Variants in ALDOA observed in about 807,000 individuals in gnomAD.
The protein encoded by ALDOA is fructose-bisphosphate aldolase A.
Under a neutral mutation model 43.9 loss-of-function variants are expected in ALDOA, and 26 were observed. That is an observed-to-expected ratio of 0.59 (90% confidence interval 0.43 to 0.82). ALDOA has a LOEUF of 0.82. Ranked by LOEUF, ALDOA falls within the 40% of genes least tolerant of loss-of-function variation. ALDOA has a pLI of 0.00. For synonymous variants in ALDOA, 258 were observed against 222.6 expected, an observed-to-expected ratio of 1.16 and a Z score of -1.42; for missense variants, 498 against 549.5, an observed-to-expected ratio of 0.91 and a Z score of 0.94.
chr16:30,068,530 G>A, intron 4 of ALDOA, 116 bp from the exon 5 acceptor site: 2 of 1,193,180 alleles, frequency 1.7e-6, no homozygotes, highest in South Asian at 2.5e-5. Flanking sequence ...TTGAGTCCAG[G>A]AAGTGGAGGC....
rs1020363624 is a variant in ALDOA at position 30,069,654 on chromosome 16, A to G, written c.942A>G (p.Thr314=). ...CGACCGTCACAGCGCTGCGCCGCAC[A>G]GTGCCCCCCGCTGTCACTGGTGAGG... ...AMATVTALRR[T]VPPAVTGITF... The change falls in exon 8 of 10, where the codon ACA becomes ACG. Residue 314 remains threonine (T), a synonymous_variant. Transcript: ENST00000642816. The G allele has an allele frequency of 2.5e-6, 4 of 1,613,752 alleles. No individual in the cohort carries two copies. Among genetic ancestry groups the G allele is most frequent in the Non-Finnish European group, 3.4e-6 (4 of 1,180,006 alleles).
chr16:30,068,424 T>C (rs1226536038), intron 4 of ALDOA: 2 of 624,086 alleles, frequency 3.2e-6, no homozygotes, highest in Non-Finnish European at 5.8e-6. Context: ...TGAGATGCAG[T>C]TTAAGGGATT....
Position 30,070,255 on chromosome 16 carries a change from C to T in ALDOA, c.*43C>T. Reference sequence around the variant, plus strand: ...CTGCCCCCAACACTCCAGGCCCTGCCCCCTCCCACTCTTGAAGAGGAGGCC... The same window carrying T: ...CTGCCCCCAACACTCCAGGCCCTGCTCCCTCCCACTCTTGAAGAGGAGGCC... On this transcript the variant is annotated 3_prime_UTR_variant, in exon 10 of 10. Transcript: ENST00000642816. 2 of 1,597,176 alleles carry T rather than the reference C, an allele frequency of 1.3e-6. No individual in the cohort carries two copies. Among genetic ancestry groups the T allele is most frequent in the Non-Finnish European group, 1.7e-6 (2 of 1,164,904 alleles).
At chr16:30,065,017 G>T (rs2072050058), upstream of ALDOA, among the ~76,000 whole-genome samples, 1 of 152,266 alleles carries the variant, frequency 6.6e-6, no homozygotes, top group Non-Finnish European at 1.5e-5. Context: ...GCAGCGGCCG[G>T]TGCATAGCCG....
Position 30,067,039 on chromosome 16 carries a change from G to T in ALDOA, c.141+1G>T. ...CCAGCACCAGACAGAGTTAGGAAAGGTACAGGGGCAGGCCTAGCAAAGGGA... is the reference window on the plus strand; with the variant it reads ...CCAGCACCAGACAGAGTTAGGAAAGTTACAGGGGCAGGCCTAGCAAAGGGA... On this transcript the variant is annotated splice_donor_variant, in intron 2 of 9. Transcript: ENST00000642816. LOFTEE classifies it high-confidence loss of function. 6.3e-7 allele frequency: 1 copy of T among 1,578,428 alleles called. No homozygotes were observed. The highest frequency in any genetic ancestry group is 8.6e-7 in the Non-Finnish European group (1 of 1,163,154).
chr16:30,069,941 G>C lies in ALDOA; in HGVS notation c.1073G>C (p.Arg358Pro), dbSNP rs1332829045. Residue 358 changes from arginine (R) to proline (P), a missense_variant, in exon 9 of 10, where the codon CGA (arginine) becomes CCA (proline). Physicochemically the swap from Arg to Pro is moderately radical, Grantham distance 103 (BLOSUM62 -2). Transcript: ENST00000642816. Reference sequence around the variant, plus strand: ...TGGGCCCTGACCTTCTCCTACGGCCGAGCCCTGCAGGCCTCTGCCCTGAAG... The same window carrying C: ...TGGGCCCTGACCTTCTCCTACGGCCCAGCCCTGCAGGCCTCTGCCCTGAAG... ...KPWALTFSYG[R>P]ALQASALKAW... is the part of the protein sequence containing the mutation. 6.2e-7 allele frequency: 1 copy of C among 1,613,890 alleles called. No homozygotes were observed. Among genetic ancestry groups the C allele is most frequent in the South Asian group, 1.1e-5 (1 of 91,080 alleles).
At chr16:30,068,286 G>A (rs1288256936) in intron 4 of ALDOA, 8 of 351,764 alleles carry the variant, frequency 2.3e-5, no homozygotes, top group Non-Finnish European at 2.8e-5. Context: ...GGATGGTCTC[G>A]ATCTCCTGAT....
intron 8 of ALDOA, 35 bp from the exon 9 acceptor site, chr16:30,069,795 A>AC: frequency 6.2e-7 from 1 of 1,613,376 alleles, no homozygotes. Context: ...TGGGTCTCTG[A>AC]CCACAGCCCC....
chr16:30,064,860 G>A (rs754942096), upstream of ALDOA: 6 of 199,956 alleles, frequency 3.0e-5, no homozygotes, highest in African/African-American at 4.6e-5. Flanking sequence ...TGGGGTCCAG[G>A]TGAGGAGGGG....
Position 30,067,974 on chromosome 16 carries a change from T to C in ALDOA, c.486+313T>C, listed in dbSNP as rs2072180442. ...TCAAATAACATCCCAGTGTATCCTG[T>C]CTCAGAGGATTGTTACTAAGTGAAC... On this transcript the variant is annotated intron_variant, in intron 4 of 9. Coordinates refer to ENST00000642816, the MANE Select transcript of ALDOA (RefSeq NM_001243177.4). 6 of 438,376 alleles carry C rather than the reference T, an allele frequency of 1.4e-5. No individual in the cohort carries two copies. The East Asian group carries it at 2.7e-4, about 20-fold the overall frequency. The allele number at this position is 438,376 out of a possible 1,614,324, so 27.2% of individuals were successfully genotyped here.
rs926663650 is a variant in ALDOA at position 30,066,944 on chromosome 16, T to C, written c.47T>C (p.Leu16Pro). The change falls in exon 2 of 10, where the codon CTG becomes CCG. Residue 16 changes from leucine (L) to proline (P), a missense_variant. Transcript: ENST00000642816. ...PEGSSFNMTHLSMAMAFSFPP... is the reference protein window; with the variant it reads ...PEGSSFNMTHPSMAMAFSFPP... ...GGGTCCAGCTTCAACATGACCCACC[T>C]GTCCATGGCTATGGCCTTTTCCTTT... is the stretch of plus-strand genomic sequence containing the variant. The C allele has an allele frequency of 1.3e-6, 2 of 1,551,006 alleles. No homozygotes were observed. The highest frequency in any genetic ancestry group is 2.7e-5 in the African/African-American group (2 of 73,074).
intron 1 of ALDOA, 80 bp from the exon 2 acceptor site, chr16:30,066,805 T>C (rs2072122627): frequency 3.4e-6 from 5 of 1,456,510 alleles, no homozygotes; most frequent in Non-Finnish European, 4.6e-6. Context: ...ATCTGGGCCC[T>C]TTCCCACGAG....
chr16:30,067,240 G>GCT lies in ALDOA; in HGVS notation c.149_150dup (p.Thr51LeufsTer13). 5 of 1,612,208 alleles carry GCT rather than the reference G, an allele frequency of 3.1e-6. No individual in the cohort carries two copies. The highest frequency in any genetic ancestry group is 4.2e-6 in the Non-Finnish European group (5 of 1,180,004). On this transcript the variant is annotated frameshift_variant, in exon 3 of 10. Transcript: ENST00000642816. LOFTEE classifies it high-confidence loss of function. ...CTCTGTTTCCTGTATCCAGGAACTTGCTACTACCAGCACCATGCCCTACCA... is the reference window on the plus strand; with the variant it reads ...CTCTGTTTCCTGTATCCAGGAACTTGCTCTACTACCAGCACCATGCCCTACCA...
At chr16:30,069,753 A>G (rs774444763) in intron 8 of ALDOA, 77 bp from the exon 9 acceptor site, 4 of 1,611,776 alleles carry the variant, frequency 2.5e-6, no homozygotes, top group Admixed American at 1.7e-5. Flanking sequence ...ACGGATTTCC[A>G]TGGCAACTTC....
At position 30,067,318 on chromosome 16, in the gene ALDOA, C is replaced by T. The variant is rs145582724; in HGVS notation, c.226C>T (p.Arg76Cys). ...QKKELSDIAH[R>C]IVAPGKGILA... The stretch of plus-strand genomic sequence containing the variant: ...GAAGGAGCTGTCTGACATCGCTCAC[C>T]GCATCGTGGCACCTGGCAAGGGCAT... The change falls in exon 3 of 10, where the codon CGC becomes TGC. Residue 76 changes from arginine (R) to cysteine (C), a missense_variant. Arg to Cys is a radical substitution (Grantham distance 180). Transcript: ENST00000642816. 134 of 1,613,434 alleles carry T rather than the reference C, an allele frequency of 8.3e-5. 3 individuals carry two copies. The South Asian group carries it at 1.1e-3, about 14-fold the overall frequency.
At chr16:30,067,127 G>A (rs900204785) in intron 2 of ALDOA, 89 bp downstream of exon 2, 2 of 1,578,712 alleles carry the variant, frequency 1.3e-6, no homozygotes, top group Non-Finnish European at 1.7e-6. Context: ...TGTGGGGCAG[G>A]GGAGGTAGGG....
intron 6 of ALDOA, 139 bp downstream of exon 6, chr16:30,069,117 T>C: frequency 2.8e-6 from 4 of 1,441,894 alleles, no homozygotes; most frequent in Non-Finnish European, 3.8e-6. Context: ...TCAAGGGCTG[T>C]TGAAGGCAGA....
chr16:30,065,276 G>C (rs983067491), upstream of ALDOA, among the ~76,000 whole-genome samples: 1 of 152,220 alleles, frequency 6.6e-6, no homozygotes, highest in Non-Finnish European at 1.5e-5. Flanking sequence ...TTCAGCCCGC[G>C]GGCGAGGCAG....
At chr16:30,068,518 A>C in intron 4 of ALDOA, 128 bp from the exon 5 acceptor site, 1 of 1,058,836 alleles carries the variant, frequency 9.4e-7, no homozygotes, top group Non-Finnish European at 1.4e-6. Flanking sequence ...CGGGAGGATC[A>C]CTTGAGTCCA....
Sources: gnomAD v4.1 joint callset for allele counts (sites outside exome capture counted in the v4.1 genomes callset) on GRCh38, gnomAD v4.1.1 for gene constraint, MANE v1.5 for transcripts, NCBI Gene and HGNC (gene_info 2026-07-23, HGNC 2026-07-21) for gene names.